Variants in RFX3 observed in about 807,000 individuals in gnomAD.
RFX3 encodes the protein regulatory factor X3.
In RFX3, 14 loss-of-function variants were observed where a neutral mutation model predicts 98.6. The ratio of observed to expected loss-of-function variants is 0.14; its 90% CI spans 0.09 to 0.22. The LOEUF (loss-of-function observed/expected upper bound fraction) is 0.22, where lower values mean the gene tolerates loss of function less well. RFX3 is among the 10% of genes least tolerant of loss of function. The pLI, the probability that RFX3 is intolerant of heterozygous loss-of-function variation, is 1.00. For synonymous variants in RFX3, 383 were observed against 328.4 expected (o/e 1.17, Z -1.80); for missense variants, 639 against 926.9 (o/e 0.69, Z 4.03).
intron 1 of RFX3, among the ~76,000 whole-genome samples, chr9:3,424,743 A>C (rs190392839): frequency 3.3e-5 from 5 of 152,316 alleles, no homozygotes; most frequent in Admixed American, 3.3e-4. Flanking sequence ...AGCTATTTTC[A>C]TGCTCTGCAA....
At chr9:3,520,303 C>A (rs995834328) in intron 1 of RFX3, among the ~76,000 whole-genome samples, 8 of 152,104 alleles carry the variant, frequency 5.3e-5, no homozygotes, top group Non-Finnish European at 8.8e-5. Context: ...ATAAAAATAT[C>A]ACAATTAACT....
intron 3 of RFX3, among the ~76,000 whole-genome samples, chr9:3,334,953 T>C (rs2130953119): frequency 6.6e-6 from 1 of 151,830 alleles, no homozygotes; most frequent in Non-Finnish European, 1.5e-5. Flanking sequence ...AATTTGTCTT[T>C]ACTAAAAAAA....
intron 12 of RFX3, 128 bp from the exon 13 acceptor site, chr9:3,263,212 G>A: frequency 1.1e-6 from 1 of 950,956 alleles, no homozygotes; most frequent in Non-Finnish European, 1.6e-6. Flanking sequence ...AAATTCATTT[G>A]GTGAGAGAGT....
intron 1 of RFX3, among the ~76,000 whole-genome samples, chr9:3,518,442 A>G (rs1818388894): frequency 6.6e-6 from 1 of 152,182 alleles, no homozygotes; most frequent in African/African-American, 2.4e-5. Context: ...ACTTAACGGG[A>G]GTGGGGAGAA....
Position 3,408,611 on chromosome 9 carries a change from C to CT in RFX3, c.-8-13016dup, listed in dbSNP as rs569532245. On this transcript the variant is annotated intron_variant, in intron 1 of 16. Transcript: ENST00000617270. ...TGTCTCTGTCTCTCTCTCTCTCTCT[C>CT]TCACACACACACACACACACACACG... Among the ~76,000 whole-genome samples, 123 of 151,230 alleles carry CT rather than the reference C, an allele frequency of 8.1e-4. 3 individuals carry two copies. In the South Asian group the frequency reaches 0.025, roughly 31 times the overall value.
chr9:3,437,811 T>C (rs544862777), intron 1 of RFX3, among the ~76,000 whole-genome samples: 73 of 152,186 alleles, frequency 4.8e-4, no homozygotes, highest in African/African-American at 1.7e-3. Context: ...AAGACCTGAA[T>C]GCCCTCTCTC....
intron 2 of RFX3, among the ~76,000 whole-genome samples, chr9:3,359,063 T>C (rs1417489365): frequency 6.6e-6 from 1 of 151,786 alleles, no homozygotes; most frequent in Non-Finnish European, 1.5e-5. Flanking sequence ...TGCATGGTTT[T>C]TCTGCCATCC....
intron 1 of RFX3, among the ~76,000 whole-genome samples, chr9:3,516,985 G>C (rs1418388661): frequency 6.6e-6 from 1 of 152,220 alleles, no homozygotes; most frequent in African/African-American, 2.4e-5. Flanking sequence ...AACCTTCTGA[G>C]ACTTTGCTAT....
Position 3,275,572 on chromosome 9 carries a change from G to A in RFX3, c.1014C>T (p.Ile338=), listed in dbSNP as rs540097073. The change falls in exon 9 of 17, where the codon ATC becomes ATT. Residue 338 remains isoleucine (I), a synonymous_variant. Coordinates refer to ENST00000617270, the MANE Select transcript of RFX3 (RefSeq NM_001282116.2). ...RALPEFGEVE[I]SSLPDGTTFE... ...AGGTAGTACCATCTGGCAGAGAAGAGATTTCAACTTCTCCAAACTCTGGAA... is the reference window on the plus strand; with the variant it reads ...AGGTAGTACCATCTGGCAGAGAAGAAATTTCAACTTCTCCAAACTCTGGAA... The A allele has an allele frequency of 3.6e-5, 58 of 1,612,384 alleles. 1 individual carries two copies. The South Asian group carries it at 5.6e-4, about 16-fold the overall frequency.
chr9:3,254,576 C>A (rs985917546), intron 14 of RFX3, among the ~76,000 whole-genome samples: 1 of 151,170 alleles, frequency 6.6e-6, no homozygotes, highest in Non-Finnish European at 1.5e-5. Flanking sequence ...CTTGCTCTGT[C>A]GCCCAGGCTG....
intron 7 of RFX3, among the ~76,000 whole-genome samples, chr9:3,282,612 T>A (rs1826051320): frequency 6.6e-6 from 1 of 151,746 alleles, no homozygotes; most frequent in Non-Finnish European, 1.5e-5. Context: ...CAGACATGAT[T>A]CTCTGATCTC....
intron 3 of RFX3, among the ~76,000 whole-genome samples, chr9:3,344,464 G>A (rs146111242): frequency 2.6e-5 from 4 of 152,176 alleles, no homozygotes; most frequent in Non-Finnish European, 5.9e-5. Context: ...GGAGTATTTC[G>A]GATTTCAGAT....
intron 15 of RFX3, 164 bp downstream of exon 15, chr9:3,247,868 A>G: frequency 6.2e-7 from 1 of 1,608,932 alleles, no homozygotes; most frequent in East Asian, 2.2e-5. Flanking sequence ...ACATAAGAAC[A>G]GAGGAATTTA....
At chr9:3,483,274 C>A (rs185278349) in intron 1 of RFX3, among the ~76,000 whole-genome samples, 1 of 152,190 alleles carries the variant, frequency 6.6e-6, no homozygotes, top group Non-Finnish European at 1.5e-5. Flanking sequence ...ATTCTAATGC[C>A]ATTTTGGCCC....
chr9:3,458,535 AAACAAAGTGATTTTTTT>A (rs143559468), intron 1 of RFX3, among the ~76,000 whole-genome samples: 2,371 of 152,298 alleles, frequency 0.016, 62 homozygotes, highest in African/African-American at 0.053. Context: ...TGGGAAATAG[AAACAAAGTGATTTTTTT>A]AAAGCAGATA....
chr9:3,490,701 G>C (rs947959767), intron 1 of RFX3, among the ~76,000 whole-genome samples: 1 of 152,030 alleles, frequency 6.6e-6, no homozygotes, highest in Admixed American at 6.6e-5. Context: ...GTGAAGATGA[G>C]AGAGCAAACA....
intron 1 of RFX3, among the ~76,000 whole-genome samples, chr9:3,516,500 T>C (rs1242602906): frequency 2.0e-5 from 3 of 152,156 alleles, no homozygotes; most frequent in Non-Finnish European, 4.4e-5. Flanking sequence ...TGGAAAAATA[T>C]GAGACTAGTG....
At chr9:3,510,030 C>T (rs1043266903) in intron 1 of RFX3, among the ~76,000 whole-genome samples, 1 of 151,922 alleles carries the variant, frequency 6.6e-6, no homozygotes, top group Non-Finnish European at 1.5e-5. Flanking sequence ...TATGTTTCTA[C>T]TGAAATCCTG....
chr9:3,424,690 AAAC>A (rs1231249812), intron 1 of RFX3, among the ~76,000 whole-genome samples: 1 of 152,140 alleles, frequency 6.6e-6, no homozygotes, highest in Non-Finnish European at 1.5e-5. Context: ...ATTAAAAAAG[AAAC>A]TATGTATTCA....
Sources: gnomAD v4.1 joint callset for allele counts (sites outside exome capture counted in the v4.1 genomes callset) on GRCh38, gnomAD v4.1.1 for gene constraint, MANE v1.5 for transcripts, NCBI Gene and HGNC (gene_info 2026-07-23, HGNC 2026-07-21) for gene names.